The following ZNF804B variants were observed in gnomAD, a reference collection of about 807,000 sequenced individuals.
ZNF804B encodes zinc finger 804B.
A neutral mutation model predicts 101.4 loss-of-function variants in ZNF804B; 80 were observed. The ratio of observed to expected loss-of-function variants is 0.79; its 90% CI spans 0.66 to 0.95. The LOEUF (loss-of-function observed/expected upper bound fraction) is 0.95. Ranked by LOEUF, ZNF804B falls within the 40% of genes least tolerant of loss-of-function variation. ZNF804B has a pLI of 0.00. For missense variants in ZNF804B, 1,673 were observed against 1,561.9 expected, an observed-to-expected ratio of 1.07 and a Z score of -1.20; for synonymous variants, 622 against 558.8, an observed-to-expected ratio of 1.11 and a Z score of -1.59.
At chr7:88,926,951 A>C (rs992756134) in intron 1 of ZNF804B, among the ~76,000 whole-genome samples, 6 of 129,550 alleles carry the variant, frequency 4.6e-5, no homozygotes, top group African/African-American at 2.0e-4. Context: ...AGCGGGGGGA[A>C]AGCTGTTCTG....
chr7:88,770,597 A>G (rs1171281122), intron 1 of ZNF804B, among the ~76,000 whole-genome samples: 1 of 152,286 alleles, frequency 6.6e-6, no homozygotes, highest in Non-Finnish European at 1.5e-5. Context: ...CAACCTTAAC[A>G]TGGATGAATA....
intron 1 of ZNF804B, among the ~76,000 whole-genome samples, chr7:88,966,337 G>T (rs17165847): frequency 0.063 from 9,513 of 151,556 alleles, 479 homozygotes; most frequent in East Asian, 0.17. Context: ...TGGACAAAAT[G>T]ATTGTAACAT....
At chr7:88,869,099 C>T (rs1791778242) in intron 1 of ZNF804B, among the ~76,000 whole-genome samples, 1 of 152,182 alleles carries the variant, frequency 6.6e-6, no homozygotes, top group Admixed American at 6.5e-5. Flanking sequence ...TCACACACTA[C>T]AGAGGCAAGA....
chr7:89,121,195 T>C (rs930220906), intron 1 of ZNF804B, among the ~76,000 whole-genome samples: 2 of 152,210 alleles, frequency 1.3e-5, no homozygotes, highest in South Asian at 2.1e-4. Flanking sequence ...TCTGGCTAGA[T>C]CAACTATTTG....
chr7:89,107,147 T>C lies in ZNF804B; in HGVS notation c.109-111008T>C, dbSNP rs114713558. Reference sequence around the variant, plus strand: ...GTAGTTTTACATATTAGTTAATAAGTAAACCACTTTTTATTTATAATGTAT... The same window carrying C: ...GTAGTTTTACATATTAGTTAATAAGCAAACCACTTTTTATTTATAATGTAT... On this transcript the variant is annotated intron_variant, in intron 1 of 3. Coordinates refer to ENST00000333190, the MANE Select transcript of ZNF804B (RefSeq NM_181646.5). Among the ~76,000 whole-genome samples, 924 of 152,294 alleles carry C rather than the reference T, an allele frequency of 6.1e-3. 15 individuals carry two copies. The highest frequency in any genetic ancestry group is 0.021 in the African/African-American group (877 of 41,570).
At chr7:89,023,780 T>A (rs1425397427) in intron 1 of ZNF804B, among the ~76,000 whole-genome samples, 3 of 152,234 alleles carry the variant, frequency 2.0e-5, no homozygotes, top group African/African-American at 7.2e-5. Context: ...TCTTGATTCC[T>A]ATTTTAGCTG....
In ZNF804B at chr7:89,196,182, G is replaced by T. The variant is rs1318873883; in HGVS notation, c.109-21973G>T. Among the ~76,000 whole-genome samples the T allele has an allele frequency of 2.0e-5, 3 of 152,024 alleles. No homozygotes were observed. The East Asian group carries it at 5.8e-4, about 29-fold the overall frequency. ...CTTCAAGACTACAATAACCAAAAGA[G>T]CATGATACCAGTATTAAAACAGACC... is the stretch of plus-strand genomic sequence containing the variant. On this transcript the variant is annotated intron_variant, in intron 1 of 3. Coordinates refer to ENST00000333190, the MANE Select transcript of ZNF804B (RefSeq NM_181646.5).
intron 1 of ZNF804B, among the ~76,000 whole-genome samples, chr7:88,851,000 G>C (rs1228833927): frequency 6.6e-6 from 1 of 152,048 alleles, no homozygotes; most frequent in Non-Finnish European, 1.5e-5. Flanking sequence ...CAGTGTCTGA[G>C]ATGAAAAATA....
intron 1 of ZNF804B, among the ~76,000 whole-genome samples, chr7:89,109,436 G>A (rs949581024): frequency 3.9e-5 from 6 of 152,130 alleles, no homozygotes; most frequent in Non-Finnish European, 7.4e-5. Context: ...TCTCTGCCAA[G>A]GTTTCTGCAA....
At chr7:88,849,495 TA>T (rs1164349335) in intron 1 of ZNF804B, among the ~76,000 whole-genome samples, 2 of 151,414 alleles carry the variant, frequency 1.3e-5, no homozygotes, top group Non-Finnish European at 2.9e-5. Flanking sequence ...TATTAAAAGG[TA>T]TTTTTTTATT....
chr7:89,086,869 A>G (rs1789810243), intron 1 of ZNF804B, among the ~76,000 whole-genome samples: 1 of 151,960 alleles, frequency 6.6e-6, no homozygotes, highest in Non-Finnish European at 1.5e-5. Flanking sequence ...AATTGAATCT[A>G]TACCTAATGC....
At chr7:89,018,669 T>C (rs1788610346) in intron 1 of ZNF804B, among the ~76,000 whole-genome samples, 1 of 152,060 alleles carries the variant, frequency 6.6e-6, no homozygotes, top group Admixed American at 6.6e-5. Context: ...TGTTATTGAC[T>C]CAGTCTTCTT....
At chr7:88,857,949 A>C (rs1791596510) in intron 1 of ZNF804B, among the ~76,000 whole-genome samples, 1 of 146,028 alleles carries the variant, frequency 6.8e-6, no homozygotes, top group African/African-American at 2.6e-5. Context: ...CAGCCTCCTG[A>C]ATAGTTGGGA....
At position 89,159,149 on chromosome 7, in the gene ZNF804B, CA is replaced by C. The variant is rs984569300; in HGVS notation, c.109-59000del. Among the ~76,000 whole-genome samples, 34 of 152,096 alleles carry C rather than the reference CA, an allele frequency of 2.2e-4. 1 individual carries two copies. The highest frequency in any genetic ancestry group is 2.0e-3 in the Admixed American group (31 of 15,254). Reference sequence around the variant, plus strand: ...TCAATCTCCTGGATGATTCTTTGTACAAAAAAGTATCTTAATGAGTAGTTGC... The same window carrying C: ...TCAATCTCCTGGATGATTCTTTGTACAAAAAGTATCTTAATGAGTAGTTGC... On this transcript the variant is annotated intron_variant, in intron 1 of 3. Coordinates refer to ENST00000333190, the MANE Select transcript of ZNF804B (RefSeq NM_181646.5).
chr7:89,306,603 A>G (rs1162368770), intron 2 of ZNF804B, among the ~76,000 whole-genome samples: 2 of 152,036 alleles, frequency 1.3e-5, no homozygotes, highest in Non-Finnish European at 2.9e-5. Context: ...AGTTTGATGA[A>G]TTCTGCTCTA....
chr7:89,138,163 A>T (rs184494813), intron 1 of ZNF804B, among the ~76,000 whole-genome samples: 14 of 152,196 alleles, frequency 9.2e-5, no homozygotes, highest in Non-Finnish European at 7.4e-5. Context: ...TTTCATGGAG[A>T]ATCTCTGCTA....
At chr7:88,805,021 GT>G (rs1406610600) in intron 1 of ZNF804B, among the ~76,000 whole-genome samples, 1 of 152,116 alleles carries the variant, frequency 6.6e-6, no homozygotes, top group Admixed American at 6.5e-5. Context: ...TATTATAAAA[GT>G]TTCAGTGGAT....
At chr7:89,161,972 A>T (rs780237503) in intron 1 of ZNF804B, among the ~76,000 whole-genome samples, 11 of 152,200 alleles carry the variant, frequency 7.2e-5, no homozygotes, top group Non-Finnish European at 7.3e-5. Flanking sequence ...ATCTACACAG[A>T]TAATGAATGA....
chr7:89,070,813 C>T (rs1382407091), intron 1 of ZNF804B, among the ~76,000 whole-genome samples: 1 of 151,876 alleles, frequency 6.6e-6, no homozygotes, highest in Non-Finnish European at 1.5e-5. Context: ...GCTCGCTGCC[C>T]CTTAATGGGC....
Sources: gnomAD v4.1 joint callset for allele counts (sites outside exome capture counted in the v4.1 genomes callset) on GRCh38, gnomAD v4.1.1 for gene constraint, MANE v1.5 for transcripts, NCBI Gene and HGNC (gene_info 2026-07-23, HGNC 2026-07-21) for gene names.